Variants in DIS3L2 observed in about 807,000 individuals in gnomAD.
DIS3L2 encodes DIS3 like 3'-5' exoribonuclease 2.
Under a neutral mutation model 97.5 loss-of-function variants are expected in DIS3L2, and 34 were observed. That is an observed-to-expected ratio of 0.35 (90% CI 0.27 to 0.46). The LOEUF (loss-of-function observed/expected upper bound fraction) is 0.46, where lower values mean the gene tolerates loss of function less well. Ranked by LOEUF, DIS3L2 falls within the 20% of genes least tolerant of loss-of-function variation. The pLI is 1.00. For synonymous variants in DIS3L2, 435 were observed against 445.2 expected (o/e 0.98, Z 0.29); for missense variants, 1,038 against 1,146.0 (o/e 0.91, Z 1.36).
intron 14 of DIS3L2, among the ~76,000 whole-genome samples, chr2:232,307,997 C>T (rs1025638505): frequency 1.3e-5 from 2 of 152,172 alleles, no homozygotes; most frequent in African/African-American, 4.8e-5. Flanking sequence ...TGATTCCAGC[C>T]GTTTCTAAGC....
chr2:232,229,052 C>G (rs1292683447), intron 10 of DIS3L2, among the ~76,000 whole-genome samples: 1 of 152,192 alleles, frequency 6.6e-6, no homozygotes, highest in East Asian at 1.9e-4. Flanking sequence ...TTATTCTGCT[C>G]TTTCTTAGCA....
At chr2:232,027,446 A>ATAC (rs1694689548) in intron 4 of DIS3L2, among the ~76,000 whole-genome samples, 1 of 152,208 alleles carries the variant, frequency 6.6e-6, no homozygotes, top group Non-Finnish European at 1.5e-5. Flanking sequence ...ACAGTAGGAC[A>ATAC]TACAGTGGCT....
chr2:232,286,061 G>A (rs1694421927), intron 13 of DIS3L2, among the ~76,000 whole-genome samples: 1 of 152,228 alleles, frequency 6.6e-6, no homozygotes, highest in South Asian at 2.1e-4. Flanking sequence ...TGCTCCAACA[G>A]GCTGGGGTGG....
At chr2:231,975,695 A>C in intron 1 of DIS3L2, among the ~76,000 whole-genome samples, 1 of 117,888 alleles carries the variant, frequency 8.5e-6, no homozygotes, top group East Asian at 2.8e-4. Flanking sequence ...ACAGAGCGAG[A>C]CTCCGCCTCA....
chr2:232,306,597 G>T (rs1694991213), intron 14 of DIS3L2, among the ~76,000 whole-genome samples: 1 of 152,188 alleles, frequency 6.6e-6, no homozygotes, highest in African/African-American at 2.4e-5. Context: ...CATCAGTTCA[G>T]TCTACTATCT....
intron 9 of DIS3L2, among the ~76,000 whole-genome samples, chr2:232,204,373 G>C (rs550895616): frequency 5.9e-5 from 9 of 152,290 alleles, no homozygotes; most frequent in African/African-American, 2.2e-4. Context: ...GATTATAGAA[G>C]ACTTACTCTT....
chr2:232,036,307 A>G (rs546829548), intron 5 of DIS3L2, among the ~76,000 whole-genome samples: 40 of 152,254 alleles, frequency 2.6e-4, no homozygotes, highest in South Asian at 2.3e-3. Context: ...TACTCGATCA[A>G]TTCATCTACT....
At chr2:232,334,036 G>A in intron 17 of DIS3L2, 49 bp downstream of exon 17, 1 of 1,558,614 alleles carries the variant, frequency 6.4e-7, no homozygotes. Flanking sequence ...GCTCAGGGCT[G>A]CCCACCCCCA....
intron 8 of DIS3L2, among the ~76,000 whole-genome samples, chr2:232,160,168 A>G (rs925183937): frequency 6.6e-6 from 1 of 152,150 alleles, no homozygotes; most frequent in Non-Finnish European, 1.5e-5. Context: ...TTTATTCTAG[A>G]AGAGTTTATG....
chr2:231,962,255 C>T (rs946779170), intron 1 of DIS3L2, among the ~76,000 whole-genome samples: 4 of 149,466 alleles, frequency 2.7e-5, no homozygotes, highest in East Asian at 1.9e-4. Flanking sequence ...CACTTTATCT[C>T]CTTTATTGAT....
chr2:232,335,344 A>G, intron 19 of DIS3L2: 1 of 204,372 alleles, frequency 4.9e-6, no homozygotes, highest in Admixed American at 5.3e-5. Context: ...GCTGGGCAGA[A>G]GAGGAACGAC....
At chr2:232,126,354 T>C (rs1038829322) in intron 6 of DIS3L2, among the ~76,000 whole-genome samples, 6 of 152,208 alleles carry the variant, frequency 3.9e-5, no homozygotes, top group African/African-American at 1.4e-4. Flanking sequence ...AAGAAAGAAG[T>C]TAATTTCTAT....
chr2:232,114,823 G>C (rs1477877143), intron 6 of DIS3L2, among the ~76,000 whole-genome samples: 1 of 152,112 alleles, frequency 6.6e-6, no homozygotes, highest in Non-Finnish European at 1.5e-5. Flanking sequence ...GTTTTCTCTT[G>C]GTTATAACTG....
intron 10 of DIS3L2, among the ~76,000 whole-genome samples, chr2:232,235,679 C>T (rs1692913390): frequency 6.6e-6 from 1 of 152,162 alleles, no homozygotes; most frequent in Non-Finnish European, 1.5e-5. Flanking sequence ...TGTAATAATC[C>T]TCTCTTTTGT....
At chr2:232,091,586 G>C (rs921413295) in intron 6 of DIS3L2, among the ~76,000 whole-genome samples, 8 of 152,058 alleles carry the variant, frequency 5.3e-5, no homozygotes, top group African/African-American at 1.4e-4. Context: ...TCCAAATCTT[G>C]GTTATTATGG....
At chr2:232,021,759 G>GA (rs1694521596) in intron 3 of DIS3L2, among the ~76,000 whole-genome samples, 1 of 152,162 alleles carries the variant, frequency 6.6e-6, no homozygotes. Flanking sequence ...GAGAATGGAG[G>GA]AAAAAATACT....
chr2:232,323,523 C>T (rs1695494761), intron 14 of DIS3L2, among the ~76,000 whole-genome samples: 1 of 152,144 alleles, frequency 6.6e-6, no homozygotes, highest in Non-Finnish European at 1.5e-5. Context: ...ATAGAAAGGC[C>T]CTGCCATGGA....
At chr2:232,160,820 C>T (rs1690626261) in intron 8 of DIS3L2, among the ~76,000 whole-genome samples, 1 of 152,168 alleles carries the variant, frequency 6.6e-6, no homozygotes, top group Non-Finnish European at 1.5e-5. Flanking sequence ...TGTGCCACTG[C>T]ACTTCTGCCT....
intron 5 of DIS3L2, among the ~76,000 whole-genome samples, chr2:232,069,096 C>T (rs183171464): frequency 8.5e-5 from 13 of 152,190 alleles, no homozygotes; most frequent in African/African-American, 2.4e-4. Flanking sequence ...GGATTACATG[C>T]GTGAGCCACC....
Sources: allele counts gnomAD v4.1 joint callset (sites outside exome capture counted in the v4.1 genomes callset), GRCh38; gene constraint gnomAD v4.1.1; transcripts MANE v1.5; gene names NCBI Gene and HGNC (gene_info 2026-07-23, HGNC 2026-07-21).